Variants in TXNDC15 observed in about 807,000 individuals in gnomAD.
The protein encoded by TXNDC15 is thioredoxin domain containing 15, also known as thioredoxin domain-containing protein 15.
In TXNDC15, 24 loss-of-function variants were observed where a neutral mutation model predicts 35.0. That is an observed-to-expected ratio of 0.68 (90% CI 0.50 to 0.96). The LOEUF is 0.96. Among genes scored for constraint, TXNDC15 ranks in the 40% least tolerant of loss-of-function variants. TXNDC15 has a pLI of 0.00. For synonymous variants in TXNDC15, 169 were observed against 174.0 expected, an observed-to-expected ratio of 0.97 and a Z score of 0.23; for missense variants, 385 against 453.3, an observed-to-expected ratio of 0.85 and a Z score of 1.37.
chr5:134,897,560 C>T (rs1489300020), intron 4 of TXNDC15, among the ~76,000 whole-genome samples: 1 of 152,226 alleles, frequency 6.6e-6, no homozygotes, highest in African/African-American at 2.4e-5. Context: ...ATTATAGATA[C>T]TTTAAAACAA....
intron 4 of TXNDC15, 79 bp downstream of exon 4, chr5:134,896,503 T>G: frequency 6.4e-7 from 1 of 1,561,208 alleles, no homozygotes; most frequent in South Asian, 1.2e-5. Flanking sequence ...TGATCTGCTA[T>G]AATCCTTAAG....
intron 1 of TXNDC15, among the ~76,000 whole-genome samples, chr5:134,877,488 G>A (rs1297780101): frequency 1.3e-5 from 2 of 152,184 alleles, no homozygotes; most frequent in Non-Finnish European, 2.9e-5. Flanking sequence ...GGCTGACCAG[G>A]GAGACCAGTT....
intron 1 of TXNDC15, among the ~76,000 whole-genome samples, chr5:134,882,839 G>A (rs1750186922): frequency 6.6e-6 from 1 of 152,186 alleles, no homozygotes; most frequent in Non-Finnish European, 1.5e-5. Flanking sequence ...GGAAAGAGGA[G>A]GGAGAGGGGG....
At chr5:134,881,644 C>G (rs1303132139) in intron 1 of TXNDC15, among the ~76,000 whole-genome samples, 4 of 141,298 alleles carry the variant, frequency 2.8e-5, no homozygotes, top group Non-Finnish European at 4.6e-5. Context: ...ACCTTTCCCC[C>G]CTTTCTATTC....
At chr5:134,890,658 C>T (rs750200652) in intron 2 of TXNDC15, among the ~76,000 whole-genome samples, 1 of 152,086 alleles carries the variant, frequency 6.6e-6, no homozygotes, top group Non-Finnish European at 1.5e-5. Flanking sequence ...GATCTGCCCA[C>T]CTTGGCCTTC....
At chr5:134,876,396 C>T (rs1390721009) in intron 1 of TXNDC15, among the ~76,000 whole-genome samples, 1 of 152,170 alleles carries the variant, frequency 6.6e-6, no homozygotes, top group Non-Finnish European at 1.5e-5. Flanking sequence ...GAAAGCTGCC[C>T]TCTGTGTTAC....
chr5:134,884,991 C>T (rs957758790), intron 1 of TXNDC15, among the ~76,000 whole-genome samples: 2 of 150,826 alleles, frequency 1.3e-5, no homozygotes, highest in African/African-American at 2.4e-5. Context: ...GGCATGATCT[C>T]GGCTCATTGC....
Position 134,874,401 on chromosome 5 carries a change from T to G in TXNDC15, c.-27T>G, listed in dbSNP as rs746541609. ...GCTGGCAGCACGACTCGCGTAGCCG[T>G]GCGCCGATTGCCTCTCGGCCTGGGC... On this transcript the variant is annotated 5_prime_UTR_variant, in exon 1 of 5. Transcript: ENST00000358387. 5.1e-6 allele frequency: 8 copies of G among 1,570,464 alleles called. No homozygotes were observed. Among genetic ancestry groups the G allele is most frequent in the South Asian group, 1.1e-5 (1 of 87,838 alleles).
intron 4 of TXNDC15, among the ~76,000 whole-genome samples, chr5:134,897,086 C>T (rs988749007): frequency 2.0e-5 from 3 of 151,760 alleles, no homozygotes; most frequent in Non-Finnish European, 4.4e-5. Flanking sequence ...GGATTACAGG[C>T]GTGTGCCCAG....
chr5:134,874,332 G>C (rs1749982364), upstream of TXNDC15: 3 of 1,068,336 alleles, frequency 2.8e-6, no homozygotes, highest in African/African-American at 1.7e-5. Context: ...GCGGCGCGGG[G>C]CCGCGCCCGC....
chr5:134,896,857 A>T (rs1488900037), intron 4 of TXNDC15, among the ~76,000 whole-genome samples: 6 of 151,712 alleles, frequency 4.0e-5, no homozygotes, highest in Non-Finnish European at 1.5e-5. Context: ...GTTAGCCAGG[A>T]TGGTCTCGAT....
At chr5:134,895,970 A>T (rs1437453432) in intron 3 of TXNDC15, 2 of 197,344 alleles carry the variant, frequency 1.0e-5, no homozygotes, top group Non-Finnish European at 2.0e-5. Flanking sequence ...AAATAAGTTG[A>T]CACAGTGTGC....
At chr5:134,888,664 G>A (rs930753166) in intron 2 of TXNDC15, among the ~76,000 whole-genome samples, 5 of 152,008 alleles carry the variant, frequency 3.3e-5, no homozygotes, top group Non-Finnish European at 7.4e-5. Flanking sequence ...TGTATTTTTA[G>A]TAGAAATGGG....
At chr5:134,874,148 GGCCTCTGCCAGA>G, upstream of TXNDC15, 1 of 353,154 alleles carries the variant, frequency 2.8e-6, no homozygotes, top group Non-Finnish European at 5.1e-6. Flanking sequence ...GGAGGCCATG[GGCCTCTGCCAGA>G]GCCATGCTCT....
At chr5:134,881,889 G>A (rs1293963655) in intron 1 of TXNDC15, among the ~76,000 whole-genome samples, 14 of 151,582 alleles carry the variant, frequency 9.2e-5, no homozygotes, top group African/African-American at 2.9e-4. Context: ...CAGTAGGGGC[G>A]GCCGGGCAGA....
chr5:134,883,246 G>GCA (rs1476510853), intron 1 of TXNDC15, among the ~76,000 whole-genome samples: 139 of 151,966 alleles, frequency 9.1e-4, no homozygotes, highest in Non-Finnish European at 1.6e-3. Flanking sequence ...CCAACATGAT[G>GCA]AAACCCCGTC....
chr5:134,876,038 A>G (rs1430159923), intron 1 of TXNDC15, among the ~76,000 whole-genome samples: 4 of 152,260 alleles, frequency 2.6e-5, no homozygotes, highest in Non-Finnish European at 4.4e-5. Flanking sequence ...CTTAAGACTC[A>G]GAGCCAATAA....
chr5:134,876,955 C>G (rs988984103), intron 1 of TXNDC15, among the ~76,000 whole-genome samples: 9 of 152,110 alleles, frequency 5.9e-5, no homozygotes, highest in African/African-American at 2.2e-4. Flanking sequence ...CTGTGCTGAG[C>G]ACTGGGGATC....
chr5:134,890,680 G>A (rs1750372613), intron 2 of TXNDC15, among the ~76,000 whole-genome samples: 2 of 152,044 alleles, frequency 1.3e-5, no homozygotes, highest in South Asian at 4.1e-4. Context: ...AAAGTGCTGG[G>A]ATTACAGGCA....
Sources: allele counts gnomAD v4.1 joint callset (sites outside exome capture counted in the v4.1 genomes callset), GRCh38; gene constraint gnomAD v4.1.1; transcripts MANE v1.5; gene names NCBI Gene and HGNC (gene_info 2026-07-23, HGNC 2026-07-21).